The following PCDHGA11 variants were observed in gnomAD, a reference collection of about 807,000 sequenced individuals.
The protein encoded by PCDHGA11 is protocadherin gamma subfamily A, 11.
PCDHGA11 carries 39 observed loss-of-function variants against 60.4 expected under a neutral mutation model. The observed-to-expected ratio is 0.65, with a 90% confidence interval of 0.50 to 0.84. The LOEUF is 0.84. Among genes scored for constraint, PCDHGA11 ranks in the 40% least tolerant of loss-of-function variants. The pLI is 0.00. For missense variants in PCDHGA11, 1,165 were observed against 1,197.7 expected (o/e 0.97, Z 0.40); for synonymous variants, 533 against 510.3 (o/e 1.04, Z -0.60).
At chr5:141,500,293 C>T (rs1380080572) in intron 2 of PCDHGA11, among the ~76,000 whole-genome samples, 3 of 151,870 alleles carry the variant, frequency 2.0e-5, no homozygotes, top group Non-Finnish European at 4.4e-5. Flanking sequence ...ACTGCAAGCT[C>T]CGCCTCCCAG....
intron 1 of PCDHGA11, chr5:141,441,857 ACGCCGC>A (rs2098279969): frequency 2.8e-6 from 1 of 352,664 alleles, no homozygotes; most frequent in Non-Finnish European, 5.6e-6. Flanking sequence ...ATGGTGCTGC[ACGCCGC>A]GGAGCCTGGC....
In PCDHGA11 at chr5:141,423,579, G is replaced by A. The variant is rs760902886; in HGVS notation, c.2352G>A (p.Glu784=). 6 of 1,613,378 alleles carry A rather than the reference G, an allele frequency of 3.7e-6. No homozygotes were observed. In the East Asian group the frequency reaches 1.3e-4, roughly 36 times the overall value. ...ATGGGGACACGCTCATCAGCCAGGA[G>A]AGCTGTGAGAAAAGCGAGCCACTCT... ...PNYGDTLISQ[E]SCEKSEPLLI... The change falls in exon 1 of 4, where the codon GAG becomes GAA. Residue 784 remains glutamate (E), a synonymous_variant. Transcript: ENST00000398587.
In PCDHGA11 at chr5:141,485,636, G is replaced by A. The variant is rs371040974; in HGVS notation, c.2434-9171G>A. The A allele has an allele frequency of 6.2e-7, 1 of 1,611,922 alleles. No homozygotes were observed. The highest frequency in any genetic ancestry group is 1.1e-5 in the South Asian group (1 of 90,964). On this transcript the variant is annotated intron_variant, in intron 1 of 3. Transcript: ENST00000398587. This position sits in a 1 kb window ranked among gnomAD's most constrained non-coding sequence, Gnocchi z 5.7. ...TCCTCCAGGACAGCGTTTCCCGTTG[G>A]AAAAGGCTCAGGATGCAGATGTGGG...
At chr5:141,436,384 CT>C (rs768914860) in intron 1 of PCDHGA11, among the ~76,000 whole-genome samples, 1 of 152,104 alleles carries the variant, frequency 6.6e-6, no homozygotes, top group Non-Finnish European at 1.5e-5. Context: ...GCTGAATAGG[CT>C]TTATTAAATA....
Position 141,485,274 on chromosome 5 carries a change from C to A in PCDHGA11, c.2434-9533C>A. 1 of 1,614,106 alleles carries A rather than the reference C, an allele frequency of 6.2e-7. No homozygotes were observed. The highest frequency in any genetic ancestry group is 1.3e-5 in the African/African-American group (1 of 75,036). ...TACGTTTGTGGGCAGATCCGCTACC[C>A]GGTCCCAGAGGAGTCACAGGAAGGG... On this transcript the variant is annotated intron_variant, in intron 1 of 3. Transcript: ENST00000398587. The surrounding 1 kb of genome is among the most constrained non-coding windows in gnomAD (Gnocchi z 5.7).
chr5:141,429,572 T>C (rs1450720834), intron 1 of PCDHGA11, among the ~76,000 whole-genome samples: 1 of 152,226 alleles, frequency 6.6e-6, no homozygotes, highest in South Asian at 2.1e-4. Context: ...TTCAGTTACA[T>C]TTACTTTTGA....
Position 141,489,214 on chromosome 5 carries a change from T to TA in PCDHGA11, c.2434-5592dup, listed in dbSNP as rs771766565. On this transcript the variant is annotated intron_variant, in intron 1 of 3. Transcript: ENST00000398587. This position sits in a 1 kb window ranked among gnomAD's most constrained non-coding sequence, Gnocchi z 4.5. ...CCTTGGAGACAGGACAGCACAGACTTACTCTCCACAAAGGGACTTCTGGGT... is the reference window on the plus strand; with the variant it reads ...CCTTGGAGACAGGACAGCACAGACTTAACTCTCCACAAAGGGACTTCTGGGT... 216 of 1,480,534 alleles carry TA rather than the reference T, an allele frequency of 1.5e-4. 4 individuals are homozygous for TA. The South Asian group carries it at 2.1e-3, about 14-fold the overall frequency. 91.7% of individuals were successfully genotyped at this position (1,480,534 alleles called of 1,614,324 possible).
At chr5:141,455,842 C>T (rs1224197325) in intron 1 of PCDHGA11, among the ~76,000 whole-genome samples, 1 of 150,876 alleles carries the variant, frequency 6.6e-6, no homozygotes, top group Non-Finnish European at 1.5e-5. Context: ...TGTCTATCTG[C>T]ATAAAATAAT....
intron 1 of PCDHGA11, among the ~76,000 whole-genome samples, chr5:141,459,101 C>A (rs1021289352): frequency 6.6e-6 from 1 of 152,192 alleles, no homozygotes; most frequent in Non-Finnish European, 1.5e-5. Context: ...CAGTGCAATG[C>A]ATTTTGACAA....
intron 1 of PCDHGA11, among the ~76,000 whole-genome samples, chr5:141,449,840 T>C (rs1367482819): frequency 6.6e-6 from 1 of 151,692 alleles, no homozygotes; most frequent in Non-Finnish European, 1.5e-5. Context: ...TTTTATATAA[T>C]TAAATTTTAA....
rs369323252 is a variant in PCDHGA11 at position 141,487,658 on chromosome 5, G to T, written c.2434-7149G>T. ...TCAACAAATGCTTGAGGGTTATTCT[G>T]ATCCAGGCATATGGCTAGGCCATGT... On this transcript the variant is annotated intron_variant, in intron 1 of 3. Coordinates refer to ENST00000398587, the MANE Select transcript of PCDHGA11 (RefSeq NM_018914.3). This position sits in a 1 kb window ranked among gnomAD's most constrained non-coding sequence, Gnocchi z 5.0. The T allele has an allele frequency of 8.7e-5, 140 of 1,613,508 alleles. No individual in the cohort carries two copies. The highest frequency in any genetic ancestry group is 1.1e-4 in the Non-Finnish European group (134 of 1,179,802).
rs150249178 is a variant in PCDHGA11 at position 141,432,742 on chromosome 5, C to A, written c.2433+9082C>A. 154 of 1,614,076 alleles carry A rather than the reference C, an allele frequency of 9.5e-5. No individual in the cohort carries two copies. In the Middle Eastern group the frequency reaches 1.3e-3, roughly 14 times the overall value. On this transcript the variant is annotated intron_variant, in intron 1 of 3. Transcript: ENST00000398587. This position sits in a 1 kb window ranked among gnomAD's most constrained non-coding sequence, Gnocchi z 6.0. ...CTCTCTCCGCCACTGTCACGCTCAC[C>A]GTGGCCGTGGCCGACAGCATCCCCC... is the stretch of plus-strand genomic sequence containing the variant.
At chr5:141,478,725 A>C (rs2099473537) in intron 1 of PCDHGA11, 1 of 1,542,096 alleles carries the variant, frequency 6.5e-7, no homozygotes. Flanking sequence ...GGCCTGCCAG[A>C]GTGTGGTTTG....
chr5:141,498,807 C>G (rs113587634), intron 2 of PCDHGA11, among the ~76,000 whole-genome samples: 1 of 152,030 alleles, frequency 6.6e-6, no homozygotes, highest in Non-Finnish European at 1.5e-5. Flanking sequence ...GTGGTGCACA[C>G]CTGTAGTCCC....
At position 141,431,280 on chromosome 5, in the gene PCDHGA11, C is replaced by G; in HGVS notation, c.2433+7620C>G. ...TCTCTGCAGAGCTACGAGCTCAGCC[C>G]GAACACTCACTTCTCCCTCATCGTG... On this transcript the variant is annotated intron_variant, in intron 1 of 3. Transcript: ENST00000398587. This position sits in a 1 kb window ranked among gnomAD's most constrained non-coding sequence, Gnocchi z 4.8. The G allele has an allele frequency of 6.2e-7, 1 of 1,614,146 alleles. No homozygotes were observed. The highest frequency in any genetic ancestry group is 8.5e-7 in the Non-Finnish European group (1 of 1,180,040).
intron 1 of PCDHGA11, among the ~76,000 whole-genome samples, chr5:141,463,641 C>T (rs182957065): frequency 2.0e-5 from 3 of 151,734 alleles, no homozygotes; most frequent in African/African-American, 7.2e-5. Context: ...TTAGTAGAGA[C>T]GGGGTTTCAC....
intron 1 of PCDHGA11, among the ~76,000 whole-genome samples, chr5:141,434,881 A>C (rs1221252749): frequency 6.6e-6 from 1 of 151,958 alleles, no homozygotes; most frequent in Non-Finnish European, 1.5e-5. Context: ...AGATACCAAC[A>C]ACAATCCAGT....
chr5:141,478,987 G>T (rs1007857792), intron 1 of PCDHGA11, among the ~76,000 whole-genome samples: 8 of 152,144 alleles, frequency 5.3e-5, no homozygotes, highest in African/African-American at 1.4e-4. Flanking sequence ...TGTGACATTT[G>T]TATTAAAACT....
chr5:141,448,704 G>A (rs1272148301), intron 1 of PCDHGA11, among the ~76,000 whole-genome samples: 1 of 152,134 alleles, frequency 6.6e-6, no homozygotes. Flanking sequence ...ACTTTGGGAG[G>A]CCGAGGCGGG....
Sources: allele counts gnomAD v4.1 joint callset (sites outside exome capture counted in the v4.1 genomes callset), GRCh38; gene constraint gnomAD v4.1.1; non-coding constraint Gnocchi (gnomAD v3.1); transcripts MANE v1.5; gene names NCBI Gene and HGNC (gene_info 2026-07-23, HGNC 2026-07-21).